RASGRP4: variants seen among roughly 807,000 people sequenced by gnomAD.
The protein encoded by RASGRP4 is RAS guanyl-releasing protein 4.
RASGRP4 carries 52 observed loss-of-function variants against 84.4 expected under a neutral mutation model. The ratio of observed to expected loss-of-function variants is 0.62; its 90% confidence interval spans 0.49 to 0.78. The LOEUF (loss-of-function observed/expected upper bound fraction) is 0.78. Ranked by LOEUF, RASGRP4 falls within the 30% of genes least tolerant of loss-of-function variation. The probability of loss-of-function intolerance (pLI) is 0.00; values close to 1 mark genes in which losing one functional copy is unlikely to be tolerated. For missense variants in RASGRP4, 760 were observed against 886.9 expected (o/e 0.86, Z 1.82); for synonymous variants, 356 against 359.1 (o/e 0.99, Z 0.10).
At chr19:38,421,307 G>T (rs1971740357) in intron 2 of RASGRP4, 107 bp from the exon 3 acceptor site, 2 of 789,322 alleles carry the variant, frequency 2.5e-6, no homozygotes, top group Non-Finnish European at 2.1e-6. Flanking sequence ...CTCTAACGGT[G>T]ATCCCCAGCA....
chr19:38,422,564 A>G (rs1392765688), intron 1 of RASGRP4, among the ~76,000 whole-genome samples: 4 of 152,000 alleles, frequency 2.6e-5, no homozygotes, highest in Admixed American at 6.6e-5. Flanking sequence ...CATGAACCCT[A>G]TTGTGAACTT....
At chr19:38,421,794 A>G (rs1971764363) in intron 2 of RASGRP4, among the ~76,000 whole-genome samples, 175 bp downstream of exon 2, 1 of 150,360 alleles carries the variant, frequency 6.7e-6, no homozygotes, top group Non-Finnish European at 1.5e-5. Flanking sequence ...ATAAATGTAT[A>G]TATTTCCATT....
intron 1 of RASGRP4, among the ~76,000 whole-genome samples, chr19:38,423,604 A>C (rs1017772680): frequency 9.9e-5 from 15 of 151,962 alleles, no homozygotes; most frequent in Non-Finnish European, 2.2e-4. Context: ...TGGGAGGCTG[A>C]GGTGGGTGGA....
intron 2 of RASGRP4, 108 bp downstream of exon 2, chr19:38,421,861 A>G: frequency 2.4e-6 from 2 of 846,780 alleles, no homozygotes; most frequent in Non-Finnish European, 3.7e-6. Flanking sequence ...ATTGAGTTTC[A>G]TTCCACCCAG....
rs1249250242 is a variant in RASGRP4 at position 38,422,129 on chromosome 19, TC to T, written c.47del (p.Gly16GlufsTer3). On this transcript the variant is annotated frameshift_variant, in exon 2 of 17. Transcript: ENST00000615439. LOFTEE classifies it high-confidence loss of function. ...GGGGCCGGCCTCGCCCTCCTATTTT[TC>T]CGGTGCATTCCTGGTGGGACTTCCT... ...SKRKSHQECT[G>X]KIGGRGRPRQ... 2 of 1,611,352 alleles carry T rather than the reference TC, an allele frequency of 1.2e-6. No homozygotes were observed. Among genetic ancestry groups the T allele is most frequent in the East Asian group, 2.2e-5 (1 of 44,794 alleles).
rs1404132199 is a variant in RASGRP4 at position 38,413,349 on chromosome 19, G to A, written c.1311+45C>T. ...TAGTCACTGCATAGGCTTAGGGGGG[G>A]TTCGAGGTAATTGGGGGAGTCCGAG... On this transcript the variant is annotated intron_variant, in intron 10 of 16. Transcript: ENST00000615439. This position sits in a 1 kb window ranked among gnomAD's most constrained non-coding sequence, Gnocchi z 4.7. The A allele has an allele frequency of 1.9e-6, 3 of 1,602,198 alleles. No homozygotes were observed. Among genetic ancestry groups the A allele is most frequent in the East Asian group, 2.2e-5 (1 of 44,710 alleles).
In RASGRP4 at chr19:38,422,131, C is replaced by T. The variant is rs750881682; in HGVS notation, c.46G>A (p.Gly16Arg). Reference protein sequence around the residue: ...SKRKSHQECTGKIGGRGRPRQ... With the variant: ...SKRKSHQECTRKIGGRGRPRQ... ...GGCCGGCCTCGCCCTCCTATTTTTC[C>T]GGTGCATTCCTGGTGGGACTTCCTG... Residue 16 changes from glycine (G) to arginine (R), a missense_variant, in exon 2 of 17, where the codon GGA becomes AGA. By Grantham distance (125) the Gly-to-Arg change is moderately radical. Transcript: ENST00000615439. The T allele has an allele frequency of 1.4e-5, 23 of 1,610,928 alleles. No individual in the cohort carries two copies. Among genetic ancestry groups the T allele is most frequent in the South Asian group, 7.7e-5 (7 of 90,950 alleles).
intron 8 of RASGRP4, 83 bp downstream of exon 8, chr19:38,416,969 G>T: frequency 1.2e-6 from 1 of 812,774 alleles, no homozygotes; most frequent in African/African-American, 1.7e-5. Context: ...CCCTGGGCAG[G>T]AATGGACAGG....
Position 38,422,032 on chromosome 19 carries a change from C to T in RASGRP4, c.145G>A (p.Gly49Ser). ...ISKVMASMNL[G>S]LLSEGGCSED... is the part of the protein sequence containing the mutation. The stretch of plus-strand genomic sequence containing the variant: ...CTGCAGCCGCCCTCACTCAGCAGGC[C>T]CAGGTTCATGGAAGCCATGACCTTG... The change falls in exon 2 of 17, where the codon GGC (glycine) becomes AGC (serine). Residue 49 changes from glycine (G) to serine (S), a missense_variant. Coordinates refer to ENST00000615439, the MANE Select transcript of RASGRP4 (RefSeq NM_170604.3). 3 of 1,613,636 alleles carry T rather than the reference C, an allele frequency of 1.9e-6. No individual in the cohort carries two copies. The highest frequency in any genetic ancestry group is 2.5e-6 in the Non-Finnish European group (3 of 1,179,790).
chr19:38,424,462 C>T (rs1050413372), intron 1 of RASGRP4, among the ~76,000 whole-genome samples: 2 of 152,028 alleles, frequency 1.3e-5, no homozygotes, highest in African/African-American at 4.8e-5. Flanking sequence ...CTCTGTCTCC[C>T]AGGCTGGAGC....
Position 38,410,795 on chromosome 19 carries a change from T to C in RASGRP4, c.1965+91A>G, listed in dbSNP as rs143764559. On this transcript the variant is annotated intron_variant, in intron 16 of 16. Coordinates refer to ENST00000615439, the MANE Select transcript of RASGRP4 (RefSeq NM_170604.3). ...TCAAGGACTTCTGCATATTTGTACT[T>C]TCTATGGGTCTCCAAATCTGTCCAG... 2,126 of 919,960 alleles carry C rather than the reference T, an allele frequency of 2.3e-3. 33 individuals are homozygous for C. In the African/African-American group the frequency reaches 0.029, roughly 13 times the overall value. The allele number at this position is 919,960 out of a possible 1,614,324, so 57.0% of individuals were successfully genotyped here. A position where few individuals can be genotyped will look rare whatever the true frequency, so the allele number is the denominator to read the frequency against.
Position 38,418,032 on chromosome 19 carries a change from G to A in RASGRP4, c.837+359C>T, listed in dbSNP as rs891830191. 2.6e-5 allele frequency among the ~76,000 whole-genome samples: 4 copies of A among 152,124 alleles called. No individual in the cohort carries two copies. Among genetic ancestry groups the A allele is most frequent in the Non-Finnish European group, 5.9e-5 (4 of 67,994 alleles). ...ATGGGGAGCGATGCACAATCCCGAAGCGACCGCTGGGGCCTGGGGACTGGG... is the reference window on the plus strand; with the variant it reads ...ATGGGGAGCGATGCACAATCCCGAAACGACCGCTGGGGCCTGGGGACTGGG... On this transcript the variant is annotated intron_variant, in intron 7 of 16. Transcript: ENST00000615439. The surrounding 1 kb of genome is among the most constrained non-coding windows in gnomAD (Gnocchi z 4.6).
rs1403783453 is a variant in RASGRP4 at position 38,414,938 on chromosome 19, G to T, written c.1140C>A (p.Asn380Lys). ...PDGRLHLPKL[N>K]NLYLRLQELV... Reference sequence around the variant, plus strand: ...GCTCCTGCAGCCGCAGGTAGAGGTTGTTCAGCTTGGGTAGGTGCAGGCGGC... The same window carrying T: ...GCTCCTGCAGCCGCAGGTAGAGGTTTTTCAGCTTGGGTAGGTGCAGGCGGC... Residue 380 changes from asparagine (N) to lysine (K), a missense_variant, in exon 9 of 17, where the codon AAC becomes AAA. Transcript: ENST00000615439. 1.4e-5 allele frequency: 22 copies of T among 1,613,428 alleles called. No individual in the cohort carries two copies. The highest frequency in any genetic ancestry group is 1.9e-5 in the Non-Finnish European group (22 of 1,179,750).
chr19:38,422,561 C>T (rs1971806086), intron 1 of RASGRP4, among the ~76,000 whole-genome samples: 1 of 152,070 alleles, frequency 6.6e-6, no homozygotes, highest in Non-Finnish European at 1.5e-5. Flanking sequence ...GAGCATGAAC[C>T]CTATTGTGAA....
Position 38,417,600 on chromosome 19 carries a change from A to T in RASGRP4, c.838-432T>A, listed in dbSNP as rs541648924. On this transcript the variant is annotated intron_variant, in intron 7 of 16. Coordinates refer to ENST00000615439, the MANE Select transcript of RASGRP4 (RefSeq NM_170604.3). This position sits in a 1 kb window ranked among gnomAD's most constrained non-coding sequence, Gnocchi z 5.1. ...TGGGCAGGAGCTGGGAGCCAGGCAG[A>T]GGTGAATAGGGCCAGAGAGATATGG... 1.3e-5 allele frequency among the ~76,000 whole-genome samples: 2 copies of T among 152,248 alleles called. No individual in the cohort carries two copies. The highest frequency in any genetic ancestry group is 4.1e-4 in the South Asian group (2 of 4,822).
At chr19:38,414,801 C>T (rs1199480250) in intron 9 of RASGRP4, 47 bp downstream of exon 9, 1 of 1,530,668 alleles carries the variant, frequency 6.5e-7, no homozygotes, top group Non-Finnish European at 8.8e-7. Context: ...GACCCTATAT[C>T]TCAGTACCCT....
chr19:38,418,455 A>G lies in RASGRP4; in HGVS notation c.773T>C (p.Val258Ala). 3 of 1,599,830 alleles carry G rather than the reference A, an allele frequency of 1.9e-6. No individual in the cohort carries two copies. Among genetic ancestry groups the G allele is most frequent in the Non-Finnish European group, 2.6e-6 (3 of 1,173,778 alleles). ...CTGTAGGGGCCCGGGACGGCTCAGCACCATCACCTGCACCCAGCGGGACAC... is the reference window on the plus strand; with the variant it reads ...CTGTAGGGGCCCGGGACGGCTCAGCGCCATCACCTGCACCCAGCGGGACAC... ...NSVSRWVQVM[V>A]LSRPGPLQRA... is the part of the protein sequence containing the mutation. The change falls in exon 7 of 17, where the codon GTG becomes GCG. Residue 258 changes from valine to alanine, a missense_variant. Val to Ala is a moderately conservative substitution (Grantham distance 64, BLOSUM62 0). Coordinates refer to ENST00000615439, the MANE Select transcript of RASGRP4 (RefSeq NM_170604.3). The surrounding 1 kb of genome is among the most constrained non-coding windows in gnomAD (Gnocchi z 4.6).
chr19:38,410,822 C>G (rs189108322), intron 16 of RASGRP4, 64 bp downstream of exon 16: 146 of 1,203,008 alleles, frequency 1.2e-4, no homozygotes, highest in Non-Finnish European at 1.7e-4. Flanking sequence ...TCTGTCCAGT[C>G]TTCCCCACGC....
Position 38,412,277 on chromosome 19 carries a change from G to A in RASGRP4, c.1680+395C>T, listed in dbSNP as rs1323727034. On this transcript the variant is annotated intron_variant, in intron 13 of 16. Coordinates refer to ENST00000615439, the MANE Select transcript of RASGRP4 (RefSeq NM_170604.3). This position sits in a 1 kb window ranked among gnomAD's most constrained non-coding sequence, Gnocchi z 4.6. Reference sequence around the variant, plus strand: ...GGATCACAGGTATGCACCACCACATGCAGCTAATTTTTGTATTTTTAGTAG... The same window carrying A: ...GGATCACAGGTATGCACCACCACATACAGCTAATTTTTGTATTTTTAGTAG... 5.6e-6 allele frequency: 1 copy of A among 178,646 alleles called. No individual in the cohort carries two copies. The highest frequency in any genetic ancestry group is 5.5e-5 in the Admixed American group (1 of 18,202). 11.1% of individuals were successfully genotyped at this position (178,646 alleles called of 1,614,324 possible).
Sources: allele counts gnomAD v4.1 joint callset (sites outside exome capture counted in the v4.1 genomes callset), GRCh38; gene constraint gnomAD v4.1.1; non-coding constraint Gnocchi (gnomAD v3.1); transcripts MANE v1.5; gene names NCBI Gene and HGNC (gene_info 2026-07-23, HGNC 2026-07-21).